GDA: variants seen among roughly 807,000 people sequenced by gnomAD.
The protein encoded by GDA is guanine deaminase, also known as cytoplasmic PSD-95 interactor.
GDA carries 18 observed loss-of-function variants against 59.6 expected under a neutral mutation model. That is an observed-to-expected ratio of 0.30 (90% confidence interval 0.21 to 0.45). GDA has a LOEUF of 0.45. Ranked by LOEUF, GDA falls within the 20% of genes least tolerant of loss-of-function variation. GDA has a pLI of 1.00. For synonymous variants in GDA, 201 were observed against 201.1 expected (o/e 1.00, Z 0.00); for missense variants, 427 against 552.3 (o/e 0.77, Z 2.27).
At chr9:72,153,774 G>A (rs370496712) in intron 1 of GDA, among the ~76,000 whole-genome samples, 12 of 142,588 alleles carry the variant, frequency 8.4e-5, no homozygotes, top group South Asian at 6.9e-4. Flanking sequence ...GAGAACACAT[G>A]GACACAGGAA....
intron 1 of GDA, among the ~76,000 whole-genome samples, chr9:72,173,842 C>T (rs1234860524): frequency 6.6e-6 from 1 of 152,106 alleles, no homozygotes; most frequent in African/African-American, 2.4e-5. Context: ...GTATCCTCAA[C>T]AGTTTCCTCC....
chr9:72,140,462 CAGAA>C (rs1379586395), intron 1 of GDA, among the ~76,000 whole-genome samples: 1 of 152,094 alleles, frequency 6.6e-6, no homozygotes, highest in East Asian at 1.9e-4. Flanking sequence ...GCTGCGCTGC[CAGAA>C]AGAGTGTGAC....
At position 72,249,009 on chromosome 9, in the gene GDA, A is replaced by G; in HGVS notation, c.*667A>G. 4 of 985,182 alleles carry G rather than the reference A, an allele frequency of 4.1e-6. No homozygotes were observed. The highest frequency in any genetic ancestry group is 4.8e-6 in the Non-Finnish European group (4 of 829,326). The allele number at this position is 985,182 out of a possible 1,614,324, so 61.0% of individuals were successfully genotyped here. On this transcript the variant is annotated 3_prime_UTR_variant, in exon 14 of 14. Transcript: ENST00000358399. ...AAATTGAATGCCACATGCTTTCATA[A>G]TATAGTTTTGTGCTTCAAAGTGTTT...
chr9:72,171,684 C>G (rs1243611591), intron 1 of GDA, among the ~76,000 whole-genome samples: 2 of 151,884 alleles, frequency 1.3e-5, no homozygotes, highest in African/African-American at 4.8e-5. Flanking sequence ...CTTTTTTCCC[C>G]TTTAACCTTC....
chr9:72,240,033 T>G (rs1028073234), intron 10 of GDA, among the ~76,000 whole-genome samples: 10 of 152,288 alleles, frequency 6.6e-5, no homozygotes, highest in African/African-American at 2.4e-4. Context: ...TGTTTTTCTT[T>G]AATAAAACAT....
chr9:72,179,447 G>T (rs1830914680), intron 1 of GDA, among the ~76,000 whole-genome samples: 1 of 152,198 alleles, frequency 6.6e-6, no homozygotes, highest in African/African-American at 2.4e-5. Context: ...GAGGTTAAGG[G>T]ATTGGCTCTT....
chr9:72,169,048 C>T (rs1007048507), intron 1 of GDA, among the ~76,000 whole-genome samples: 2 of 152,220 alleles, frequency 1.3e-5, no homozygotes, highest in South Asian at 2.1e-4. Flanking sequence ...TGTCTTGCCA[C>T]GGCAAACTCC....
downstream of GDA, among the ~76,000 whole-genome samples, chr9:72,256,338 A>G (rs7030520): frequency 0.77 from 117,408 of 152,090 alleles, 45,337 homozygotes; most frequent in Admixed American, 0.85. Context: ...AGTTCTGAGG[A>G]TTAAAAATAA....
intron 1 of GDA, 111 bp downstream of exon 1, chr9:72,149,793 C>T (rs928981565): frequency 1.1e-5 from 12 of 1,137,288 alleles, no homozygotes; most frequent in Non-Finnish European, 1.3e-5. Context: ...GTGAGCGCCG[C>T]GGCTCCGGAG....
intron 1 of GDA, among the ~76,000 whole-genome samples, chr9:72,178,534 T>C (rs7024598): frequency 0.2 from 29,779 of 149,866 alleles, 3,515 homozygotes; most frequent in African/African-American, 0.34. Context: ...TCTCCTGCCC[T>C]AGCCTCCCGA....
chr9:72,192,564 C>A (rs892750584), intron 1 of GDA, among the ~76,000 whole-genome samples: 6 of 149,708 alleles, frequency 4.0e-5, no homozygotes, highest in African/African-American at 9.8e-5. Context: ...CAAATTTTTT[C>A]TTCTGCTTGA....
chr9:72,176,377 G>A (rs754709544), intron 1 of GDA, among the ~76,000 whole-genome samples: 1 of 152,198 alleles, frequency 6.6e-6, no homozygotes, highest in Non-Finnish European at 1.5e-5. Flanking sequence ...TTCATTCCAA[G>A]CAAGTCACTA....
chr9:72,237,389 T>C (rs1318211099), intron 10 of GDA, among the ~76,000 whole-genome samples: 1 of 152,214 alleles, frequency 6.6e-6, no homozygotes, highest in Non-Finnish European at 1.5e-5. Flanking sequence ...ATTGTCCAAG[T>C]AATCTTATCT....
At chr9:72,173,474 G>A (rs1830208228) in intron 1 of GDA, among the ~76,000 whole-genome samples, 1 of 152,028 alleles carries the variant, frequency 6.6e-6, no homozygotes, top group South Asian at 2.1e-4. Flanking sequence ...GGGAATACAG[G>A]CGTGTGCCAC....
intron 2 of GDA, among the ~76,000 whole-genome samples, chr9:72,202,360 T>C (rs911988936): frequency 2.6e-5 from 4 of 152,304 alleles, no homozygotes; most frequent in Non-Finnish European, 2.9e-5. Flanking sequence ...CGACCAGCCA[T>C]TCCAACCTAG....
At chr9:72,164,239 A>C (rs1829013340) in intron 1 of GDA, among the ~76,000 whole-genome samples, 1 of 152,210 alleles carries the variant, frequency 6.6e-6, no homozygotes, top group Non-Finnish European at 1.5e-5. Context: ...TTAGAGTTAA[A>C]GAGAATGAGT....
chr9:72,197,416 G>A (rs1833324946), intron 2 of GDA: 1 of 152,122 alleles, frequency 6.6e-6, no homozygotes, highest in Non-Finnish European at 1.5e-5. Context: ...ATGATGAGGA[G>A]CAACTGACAT....
intron 1 of GDA, among the ~76,000 whole-genome samples, chr9:72,127,524 C>T (rs1162835658): frequency 1.3e-5 from 2 of 151,694 alleles, no homozygotes; most frequent in Non-Finnish European, 2.9e-5. Flanking sequence ...GTAGTCCCAG[C>T]TACTCAGGAG....
Position 72,248,456 on chromosome 9 carries a change from C to G in GDA, c.*114C>G. On this transcript the variant is annotated 3_prime_UTR_variant, in exon 14 of 14. Transcript: ENST00000358399. ...GTACCTTGTTCTTGGGATGACTATC[C>G]CTTTCTGTGTCTAGTTACAGTATTC... The G allele has an allele frequency of 3.3e-6, 5 of 1,532,890 alleles. No homozygotes were observed. Among genetic ancestry groups the G allele is most frequent in the Non-Finnish European group, 4.4e-6 (5 of 1,140,024 alleles). The allele number at this position is 1,532,890 out of a possible 1,614,324, so 95.0% of individuals were successfully genotyped here. A position where few individuals can be genotyped will look rare whatever the true frequency, so the allele number is the denominator to read the frequency against.
Sources: gnomAD v4.1 joint callset for allele counts (sites outside exome capture counted in the v4.1 genomes callset) on GRCh38, gnomAD v4.1.1 for gene constraint, MANE v1.5 for transcripts, NCBI Gene and HGNC (gene_info 2026-07-23, HGNC 2026-07-21) for gene names.